The following JAZF1 variants were observed in gnomAD, a reference collection of about 807,000 sequenced individuals.
The protein encoded by JAZF1 is JAZF zinc finger 1.
A neutral mutation model predicts 26.4 loss-of-function variants in JAZF1; 8 were observed. The ratio of observed to expected loss-of-function variants is 0.30; its 90% CI spans 0.18 to 0.55. JAZF1 has a LOEUF of 0.55. Ranked by LOEUF, JAZF1 falls within the 20% of genes least tolerant of loss-of-function variation. The probability of loss-of-function intolerance (pLI) is 0.94; values close to 1 mark genes in which losing one functional copy is unlikely to be tolerated. For synonymous variants in JAZF1, 126 were observed against 122.3 expected (o/e 1.03, Z -0.20); for missense variants, 199 against 322.0 (o/e 0.62, Z 2.92).
chr7:27,884,066 C>T (rs898838062), intron 3 of JAZF1, among the ~76,000 whole-genome samples: 6 of 152,198 alleles, frequency 3.9e-5, no homozygotes, highest in African/African-American at 9.7e-5. Context: ...GTTGTGGACT[C>T]CTGTTCTTCA....
intron 1 of JAZF1, among the ~76,000 whole-genome samples, chr7:28,027,263 G>A (rs1301758951): frequency 6.6e-6 from 1 of 152,196 alleles, no homozygotes; most frequent in Non-Finnish European, 1.5e-5. Flanking sequence ...CCTTATTTGT[G>A]CCTGGAGAGT....
intron 1 of JAZF1, among the ~76,000 whole-genome samples, chr7:28,144,136 T>C (rs948958028): frequency 1.4e-4 from 22 of 152,290 alleles, no homozygotes; most frequent in Middle Eastern, 3.4e-3. Flanking sequence ...TAAGCCACAT[T>C]CTCTCCATTG....
intron 2 of JAZF1, among the ~76,000 whole-genome samples, chr7:27,965,328 G>A (rs1785254803): frequency 6.6e-6 from 1 of 152,122 alleles, no homozygotes; most frequent in Non-Finnish European, 1.5e-5. Context: ...CTGGTGACAG[G>A]TATTAAAAGA....
chr7:27,892,505 A>G (rs889587085), intron 3 of JAZF1, among the ~76,000 whole-genome samples: 3 of 152,222 alleles, frequency 2.0e-5, no homozygotes, highest in Non-Finnish European at 2.9e-5. Flanking sequence ...GGGCAGTCAC[A>G]GTTATCTGGG....
At chr7:28,105,841 G>C (rs1046619955) in intron 1 of JAZF1, among the ~76,000 whole-genome samples, 1 of 152,152 alleles carries the variant, frequency 6.6e-6, no homozygotes, top group Admixed American at 6.5e-5. Context: ...AAAGTGACTC[G>C]ATGAGCACAC....
intron 2 of JAZF1, among the ~76,000 whole-genome samples, chr7:27,991,074 C>T (rs1343234377): frequency 6.6e-6 from 1 of 152,164 alleles, no homozygotes; most frequent in Non-Finnish European, 1.5e-5. Flanking sequence ...TGAAACAGTA[C>T]AGGTAATTCA....
At chr7:27,996,433 T>A (rs1377905221) in intron 1 of JAZF1, among the ~76,000 whole-genome samples, 1 of 152,140 alleles carries the variant, frequency 6.6e-6, no homozygotes, top group East Asian at 1.9e-4. Context: ...TGAGAGGATG[T>A]GGGTGGGAAG....
chr7:27,951,387 A>T (rs369180385), intron 2 of JAZF1, among the ~76,000 whole-genome samples: 1 of 152,106 alleles, frequency 6.6e-6, no homozygotes, highest in Admixed American at 6.5e-5. Context: ...TCTATTTAAT[A>T]ATGCAATTTT....
At chr7:27,846,392 C>CATATACGTATATGTGTAT (rs866368916) in intron 3 of JAZF1, 36 of 419,712 alleles carry the variant, frequency 8.6e-5, no homozygotes, top group South Asian at 6.3e-4. Context: ...CGTATATATA[C>CATATACGTATATGTGTAT]ATATACGTAT....
At chr7:28,020,156 A>AT (rs1782979441) in intron 1 of JAZF1, among the ~76,000 whole-genome samples, 1 of 152,092 alleles carries the variant, frequency 6.6e-6, no homozygotes, top group Admixed American at 6.5e-5. Flanking sequence ...CAGAGATACC[A>AT]TTTTTTCCTC....
Position 27,880,290 on chromosome 7 carries a change from A to G in JAZF1, c.385+14930T>C, listed in dbSNP as rs183837417. On this transcript the variant is annotated intron_variant, in intron 3 of 4. Transcript: ENST00000283928. ...GGAAGGAAAAAAAATCCTTTTTGGA[A>G]TATTTATTACTTATTCATTTTAGAA... is the stretch of plus-strand genomic sequence containing the variant. Among the ~76,000 whole-genome samples, 18 of 152,316 alleles carry G rather than the reference A, an allele frequency of 1.2e-4. No individual in the cohort carries two copies. In the East Asian group the frequency reaches 2.7e-3, roughly 23 times the overall value.
Position 28,122,915 on chromosome 7 carries a change from T to A in JAZF1, c.115+57548A>T, listed in dbSNP as rs1171407661. Among the ~76,000 whole-genome samples the A allele has an allele frequency of 2.6e-5, 4 of 152,100 alleles. No homozygotes were observed. In the East Asian group the frequency reaches 7.7e-4, roughly 29 times the overall value. The stretch of plus-strand genomic sequence containing the variant: ...AAGTGACATTTCAGCCTCGATGAAA[T>A]TCTCATTATTTCCTGAACACACCAA... On this transcript the variant is annotated intron_variant, in intron 1 of 4. Coordinates refer to ENST00000283928, the MANE Select transcript of JAZF1 (RefSeq NM_175061.4).
At chr7:27,978,583 G>A (rs912555511) in intron 2 of JAZF1, among the ~76,000 whole-genome samples, 3 of 152,172 alleles carry the variant, frequency 2.0e-5, no homozygotes, top group Non-Finnish European at 2.9e-5. Context: ...GTTCCTCGGG[G>A]AAGTTGAGGA....
At chr7:27,879,597 C>T (rs188625294) in intron 3 of JAZF1, among the ~76,000 whole-genome samples, 283 of 152,178 alleles carry the variant, frequency 1.9e-3, no homozygotes, top group Middle Eastern at 0.01. Context: ...TGGTCTAAAA[C>T]TTGGTGGAAT....
chr7:28,180,453 G>C lies in JAZF1; in HGVS notation c.115+10C>G. The C allele has an allele frequency of 6.2e-7, 1 of 1,606,862 alleles. No individual in the cohort carries two copies. Among genetic ancestry groups the C allele is most frequent in the Non-Finnish European group, 8.5e-7 (1 of 1,175,380 alleles). Reference sequence around the variant, plus strand: ...CGCCTGGCACCCCCGCCCACCCCCGGGCCATTTACCGATGTGGTTGTCCTC... The same window carrying C: ...CGCCTGGCACCCCCGCCCACCCCCGCGCCATTTACCGATGTGGTTGTCCTC... On this transcript the variant is annotated intron_variant, in intron 1 of 4. Transcript: ENST00000283928.
chr7:27,941,922 A>G (rs1784854460), intron 2 of JAZF1, among the ~76,000 whole-genome samples: 1 of 152,224 alleles, frequency 6.6e-6, no homozygotes, highest in African/African-American at 2.4e-5. Context: ...AAGGAACTGC[A>G]TATTTCTACA....
chr7:27,981,694 C>A (rs989239148), intron 2 of JAZF1, among the ~76,000 whole-genome samples: 1 of 152,204 alleles, frequency 6.6e-6, no homozygotes, highest in South Asian at 2.1e-4. Context: ...ACATTTTTGT[C>A]AGACTATATT....
At chr7:28,093,928 C>T (rs1334961185) in intron 1 of JAZF1, among the ~76,000 whole-genome samples, 3 of 152,234 alleles carry the variant, frequency 2.0e-5, no homozygotes. Context: ...GGGAAGAATG[C>T]ATTCAGTGCT....
intron 3 of JAZF1, among the ~76,000 whole-genome samples, chr7:27,847,164 T>C (rs1249251137): frequency 6.6e-6 from 1 of 150,748 alleles, no homozygotes; most frequent in African/African-American, 2.4e-5. Flanking sequence ...TTTTTTTTTT[T>C]TTTTTAGTAG....
Sources: gnomAD v4.1 joint callset for allele counts (sites outside exome capture counted in the v4.1 genomes callset) on GRCh38, gnomAD v4.1.1 for gene constraint, MANE v1.5 for transcripts, NCBI Gene and HGNC (gene_info 2026-07-23, HGNC 2026-07-21) for gene names.